Variants in SLC39A9 observed in about 807,000 individuals in gnomAD.
SLC39A9 encodes zinc transporter ZIP9.
Under a neutral mutation model 28.4 loss-of-function variants are expected in SLC39A9, and 14 were observed. The observed-to-expected ratio is 0.49, with a 90% CI of 0.33 to 0.77. The LOEUF is 0.77. Among genes scored for constraint, SLC39A9 ranks in the 30% least tolerant of loss-of-function variants. The pLI, the probability that SLC39A9 is intolerant of heterozygous loss-of-function variation, is 0.02. For synonymous variants in SLC39A9, 119 were observed against 149.6 expected (o/e 0.80, Z 1.49); for missense variants, 283 against 381.1 (o/e 0.74, Z 2.14).
At chr14:69,437,885 A>G (rs1594935415) in intron 2 of SLC39A9, among the ~76,000 whole-genome samples, 1 of 152,030 alleles carries the variant, frequency 6.6e-6, no homozygotes, top group Non-Finnish European at 1.5e-5. Flanking sequence ...TCTGTGAAGT[A>G]ACTTAACCAT....
chr14:69,409,357 G>A (rs1883122200), intron 1 of SLC39A9, among the ~76,000 whole-genome samples: 1 of 151,934 alleles, frequency 6.6e-6, no homozygotes, highest in Non-Finnish European at 1.5e-5. Flanking sequence ...TGTTGTTAAG[G>A]CAAGGTCTCA....
At chr14:69,429,413 T>C (rs1884371488) in intron 2 of SLC39A9, 2 of 152,200 alleles carry the variant, frequency 1.3e-5, no homozygotes, top group Admixed American at 6.5e-5. Flanking sequence ...CTTCACCAGT[T>C]GGAAGATGTA....
intron 6 of SLC39A9, among the ~76,000 whole-genome samples, chr14:69,456,646 C>CCGGA (rs1885879438): frequency 6.6e-6 from 1 of 152,190 alleles, no homozygotes; most frequent in African/African-American, 2.4e-5. Flanking sequence ...AGCAACAACC[C>CCGGA]TCCGCATTTT....
chr14:69,441,641 A>G (rs1384102816), intron 2 of SLC39A9, among the ~76,000 whole-genome samples: 1 of 152,222 alleles, frequency 6.6e-6, no homozygotes, highest in African/African-American at 2.4e-5. Context: ...CAGCCTAGGT[A>G]TAAACTAGAT....
chr14:69,453,135 G>A, intron 3 of SLC39A9, 106 bp from the exon 4 acceptor site: 3 of 957,038 alleles, frequency 3.1e-6, no homozygotes, highest in Non-Finnish European at 4.9e-6. Flanking sequence ...TCAGGAGTTT[G>A]AGACCAGCCT....
intron 3 of SLC39A9, among the ~76,000 whole-genome samples, chr14:69,450,800 C>T (rs1322548912): frequency 3.3e-5 from 5 of 151,900 alleles, no homozygotes; most frequent in African/African-American, 1.2e-4. Flanking sequence ...AATGTGTGGG[C>T]GCAGTAGTAG....
chr14:69,401,520 T>C (rs1882634812), intron 1 of SLC39A9, among the ~76,000 whole-genome samples: 1 of 152,214 alleles, frequency 6.6e-6, no homozygotes, highest in Non-Finnish European at 1.5e-5. Context: ...CAGTAAAACT[T>C]TTTATTTCTA....
intron 6 of SLC39A9, among the ~76,000 whole-genome samples, chr14:69,456,278 C>T (rs1342045775): frequency 6.6e-6 from 1 of 152,188 alleles, no homozygotes; most frequent in East Asian, 1.9e-4. Flanking sequence ...GCAGAGATTG[C>T]TGTCAAGAGT....
chr14:69,413,446 A>G lies in SLC39A9; in HGVS notation c.97-10648A>G, dbSNP rs114528224. 6.4e-3 allele frequency among the ~76,000 whole-genome samples: 980 copies of G among 152,276 alleles called. 6 individuals carry two copies. Among genetic ancestry groups the G allele is most frequent in the African/African-American group, 0.023 (936 of 41,556 alleles). On this transcript the variant is annotated intron_variant, in intron 1 of 6. Transcript: ENST00000336643. ...AAGGACACTAAAAATAAAAACAAAA[A>G]CTGTTGTCACCATCATTTCTTAAAA...
intron 2 of SLC39A9, among the ~76,000 whole-genome samples, chr14:69,429,759 T>C (rs1045414174): frequency 6.6e-6 from 1 of 152,194 alleles, no homozygotes; most frequent in African/African-American, 2.4e-5. Flanking sequence ...AAATATATGT[T>C]TAATTTCATA....
At chr14:69,425,378 T>C (rs983853959) in intron 2 of SLC39A9, among the ~76,000 whole-genome samples, 3 of 152,246 alleles carry the variant, frequency 2.0e-5, no homozygotes, top group African/African-American at 7.2e-5. Flanking sequence ...ATCACTATCC[T>C]AACATTTGTC....
chr14:69,436,123 C>T (rs921902160), intron 2 of SLC39A9, among the ~76,000 whole-genome samples: 4 of 152,008 alleles, frequency 2.6e-5, no homozygotes, highest in Admixed American at 6.6e-5. Context: ...ACCTTTCGGC[C>T]AGGCGCAGTG....
At chr14:69,405,389 G>A (rs1006410752) in intron 1 of SLC39A9, among the ~76,000 whole-genome samples, 11 of 152,082 alleles carry the variant, frequency 7.2e-5, no homozygotes, top group African/African-American at 2.7e-4. Flanking sequence ...TATATTGTCT[G>A]GTACATTGCT....
chr14:69,453,151 A>G, intron 3 of SLC39A9, 90 bp from the exon 4 acceptor site: 3 of 1,123,174 alleles, frequency 2.7e-6, no homozygotes, highest in Non-Finnish European at 4.0e-6. Flanking sequence ...AGCCTGGCCA[A>G]CATTAGTGAA....
intron 5 of SLC39A9, among the ~76,000 whole-genome samples, chr14:69,455,412 C>T (rs1013827355): frequency 6.6e-5 from 10 of 150,786 alleles, no homozygotes; most frequent in Non-Finnish European, 1.0e-4. Context: ...CTGCAACCTC[C>T]GCCTCCTGGG....
At chr14:69,428,308 C>T (rs1395392535) in intron 2 of SLC39A9, among the ~76,000 whole-genome samples, 1 of 151,610 alleles carries the variant, frequency 6.6e-6, no homozygotes, top group Non-Finnish European at 1.5e-5. Flanking sequence ...GGGGACAGTG[C>T]CCCAAAGAAT....
intron 1 of SLC39A9, among the ~76,000 whole-genome samples, chr14:69,416,374 A>G (rs907851602): frequency 2.0e-5 from 3 of 152,116 alleles, no homozygotes; most frequent in African/African-American, 7.2e-5. Context: ...TCTATCGTTG[A>G]TGGACATTTG....
chr14:69,417,198 A>G (rs1883624760), intron 1 of SLC39A9, among the ~76,000 whole-genome samples: 1 of 152,202 alleles, frequency 6.6e-6, no homozygotes, highest in Admixed American at 6.5e-5. Flanking sequence ...ATGGCTAGCC[A>G]GTTTTCCCAG....
chr14:69,406,314 C>G (rs1882909550), intron 1 of SLC39A9, among the ~76,000 whole-genome samples: 1 of 152,156 alleles, frequency 6.6e-6, no homozygotes, highest in Admixed American at 6.5e-5. Context: ...GAAGTAGTTC[C>G]TATTGTGAAC....
Sources: gnomAD v4.1 joint callset for allele counts (sites outside exome capture counted in the v4.1 genomes callset) on GRCh38, gnomAD v4.1.1 for gene constraint, MANE v1.5 for transcripts, NCBI Gene and HGNC (gene_info 2026-07-23, HGNC 2026-07-21) for gene names.